The following CHP1 variants were observed in gnomAD, a reference collection of about 807,000 sequenced individuals.
CHP1 encodes calcineurin B homologous protein 1.
In CHP1, 11 loss-of-function variants were observed where a neutral mutation model predicts 27.4. That is an observed-to-expected ratio of 0.40 (90% CI 0.25 to 0.67). CHP1 has a LOEUF of 0.67. CHP1 is among the 30% of genes least tolerant of loss of function. The pLI is 0.38. For missense variants in CHP1, 169 were observed against 251.3 expected (o/e 0.67, Z 2.22); for synonymous variants, 89 against 87.4 (o/e 1.02, Z -0.10).
In CHP1 at chr15:41,252,120, A is replaced by G. The variant is rs1361848481; in HGVS notation, c.141-4790A>G. Among the ~76,000 whole-genome samples, 11 of 151,826 alleles carry G rather than the reference A, an allele frequency of 7.2e-5. No homozygotes were observed. The South Asian group carries it at 2.3e-3, about 31-fold the overall frequency. On this transcript the variant is annotated intron_variant, in intron 2 of 6. Transcript: ENST00000334660. ...TTTTGTCATTTCAGTGTTAATAAAT[A>G]TGTTGTACCATATGCTTAACCTCTC...
rs2047543910 is a variant in CHP1, at chr15:41,281,165, T to C, written c.*1776T>C. 1 of 152,170 alleles carries C rather than the reference T, an allele frequency of 6.6e-6. No homozygotes were observed. The highest frequency in any genetic ancestry group is 6.5e-5 in the Admixed American group (1 of 15,276). The allele number at this position is 152,170 out of a possible 1,614,324, so 9.4% of individuals were successfully genotyped here. A position where few individuals can be genotyped will look rare whatever the true frequency, so the allele number is the denominator to read the frequency against. On this transcript the variant is annotated 3_prime_UTR_variant, in exon 7 of 7. Coordinates refer to ENST00000334660, the MANE Select transcript of CHP1 (RefSeq NM_007236.5). ...TGAGCCACCGTGCTCAGCCGCAAAA[T>C]TCTTTATGAATTTTACACTTGGCAA...
chr15:41,245,719 G>A (rs1162194676), intron 2 of CHP1, among the ~76,000 whole-genome samples: 1 of 152,062 alleles, frequency 6.6e-6, no homozygotes, highest in East Asian at 1.9e-4. Flanking sequence ...TCTCTTGGAC[G>A]TATACCTAGG....
chr15:41,246,879 C>T (rs749722634), intron 2 of CHP1, among the ~76,000 whole-genome samples: 3 of 150,908 alleles, frequency 2.0e-5, no homozygotes, highest in Non-Finnish European at 4.4e-5. Flanking sequence ...CACAGCTAGA[C>T]TCCATCTCAA....
At chr15:41,257,390 T>C (rs954597391) in intron 3 of CHP1, among the ~76,000 whole-genome samples, 1 of 152,084 alleles carries the variant, frequency 6.6e-6, no homozygotes, top group African/African-American at 2.4e-5. Flanking sequence ...CTCTTCTTAG[T>C]AGTAGCCAAT....
intron 1 of CHP1, among the ~76,000 whole-genome samples, chr15:41,232,095 G>A (rs2047249503): frequency 2.6e-5 from 4 of 151,884 alleles, no homozygotes; most frequent in South Asian, 2.1e-4. Flanking sequence ...GACGATACTT[G>A]CTGTCCTAAT....
At chr15:41,252,926 G>GTTTTTTTTTTT (rs1567007144) in intron 2 of CHP1, among the ~76,000 whole-genome samples, 1 of 109,050 alleles carries the variant, frequency 9.2e-6, no homozygotes, top group African/African-American at 3.4e-5. Flanking sequence ...TATTTCACAT[G>GTTTTTTTTTTT]GTTTTTTTTT....
chr15:41,248,000 A>AATAAATAAATAAG (rs2047345144), intron 2 of CHP1, among the ~76,000 whole-genome samples: 1 of 151,866 alleles, frequency 6.6e-6, no homozygotes, highest in African/African-American at 2.4e-5. Flanking sequence ...AAATAAATAA[A>AATAAATAAATAAG]TAAATAAATA....
intron 2 of CHP1, among the ~76,000 whole-genome samples, chr15:41,252,329 C>T (rs934239193): frequency 6.6e-6 from 1 of 151,898 alleles, no homozygotes; most frequent in Non-Finnish European, 1.5e-5. Flanking sequence ...CCACCACGCC[C>T]GTCTGATTTT....
rs1595479959 is a variant in CHP1, at chr15:41,264,613, T to C, written c.349+1730T>C. Among the ~76,000 whole-genome samples the C allele has an allele frequency of 2.0e-5, 3 of 152,092 alleles. No homozygotes were observed. In the East Asian group the frequency reaches 5.8e-4, roughly 29 times the overall value. On this transcript the variant is annotated intron_variant, in intron 4 of 6. Coordinates refer to ENST00000334660, the MANE Select transcript of CHP1 (RefSeq NM_007236.5). ...GCACTACACCCAGCTAATTTTTTAT[T>C]TTCTAATTTTTTGTAGGGACAGGGT...
At chr15:41,262,093 C>T (rs943497367) in intron 3 of CHP1, among the ~76,000 whole-genome samples, 1 of 148,560 alleles carries the variant, frequency 6.7e-6, no homozygotes. Flanking sequence ...TGCTTGAACC[C>T]GGGAGGCGGA....
chr15:41,237,893 A>G (rs1444384628), intron 1 of CHP1, among the ~76,000 whole-genome samples: 1 of 152,004 alleles, frequency 6.6e-6, no homozygotes, highest in Non-Finnish European at 1.5e-5. Flanking sequence ...TATTTTTAGT[A>G]GAGATGGGGT....
chr15:41,242,987 A>G (rs2047314868), intron 1 of CHP1, among the ~76,000 whole-genome samples: 2 of 151,932 alleles, frequency 1.3e-5, no homozygotes, highest in Non-Finnish European at 2.9e-5. Context: ...GTAAAAACAT[A>G]CATTTTCTTA....
At chr15:41,248,864 A>C (rs547293745) in intron 2 of CHP1, among the ~76,000 whole-genome samples, 1 of 152,292 alleles carries the variant, frequency 6.6e-6, no homozygotes, top group South Asian at 2.1e-4. Context: ...TTTTATGTAA[A>C]TCGTTTTGTC....
intron 2 of CHP1, 129 bp downstream of exon 2, chr15:41,243,868 T>C: frequency 1.4e-6 from 1 of 715,842 alleles, no homozygotes; most frequent in Non-Finnish European, 2.4e-6. Flanking sequence ...ACCATTTCTC[T>C]ACTGGTCTTT....
intron 2 of CHP1, among the ~76,000 whole-genome samples, chr15:41,249,957 C>T (rs76907022): frequency 0.03 from 4,611 of 151,762 alleles, 257 homozygotes; most frequent in African/African-American, 0.11. Flanking sequence ...TAGTGATCAG[C>T]TCCAGTGGAA....
intron 1 of CHP1, among the ~76,000 whole-genome samples, chr15:41,240,646 G>T (rs2047301507): frequency 6.6e-6 from 1 of 151,698 alleles, no homozygotes; most frequent in African/African-American, 2.4e-5. Context: ...CCAGCTACTT[G>T]GGAGGCTGAG....
chr15:41,257,079 A>G (rs368571065), intron 3 of CHP1, 89 bp downstream of exon 3: 13 of 987,458 alleles, frequency 1.3e-5, no homozygotes, highest in African/African-American at 6.7e-5. Flanking sequence ...TGGTTGTGCC[A>G]TCTCAGACTG....
chr15:41,240,011 C>T (rs2047298031), intron 1 of CHP1, among the ~76,000 whole-genome samples: 1 of 151,634 alleles, frequency 6.6e-6, no homozygotes, highest in South Asian at 2.1e-4. Flanking sequence ...CTCCTGACCT[C>T]GTGATCCGCC....
intron 1 of CHP1, among the ~76,000 whole-genome samples, chr15:41,234,561 T>C (rs1382170496): frequency 6.6e-6 from 1 of 152,216 alleles, no homozygotes; most frequent in Middle Eastern, 3.2e-3. Context: ...TTAAAAAGAT[T>C]AGAATTTCTA....
Sources: allele counts gnomAD v4.1 joint callset (sites outside exome capture counted in the v4.1 genomes callset), GRCh38; gene constraint gnomAD v4.1.1; transcripts MANE v1.5; gene names NCBI Gene and HGNC (gene_info 2026-07-23, HGNC 2026-07-21).